The following TFG variants were observed in gnomAD, a reference collection of about 807,000 sequenced individuals.
The protein encoded by TFG is trafficking from ER to golgi regulator, also known as protein TFG.
Under a neutral mutation model 51.4 loss-of-function variants are expected in TFG, and 22 were observed. The observed-to-expected ratio is 0.43, with a 90% CI of 0.31 to 0.61. TFG has a LOEUF of 0.61. Among genes scored for constraint, TFG ranks in the 20% least tolerant of loss-of-function variants. The pLI is 0.12. For missense variants in TFG, 419 were observed against 487.7 expected, an observed-to-expected ratio of 0.86 and a Z score of 1.33; for synonymous variants, 187 against 165.6, an observed-to-expected ratio of 1.13 and a Z score of -0.99.
intron 5 of TFG, among the ~76,000 whole-genome samples, chr3:100,735,526 A>G (rs973530474): frequency 1.3e-5 from 2 of 152,232 alleles, no homozygotes; most frequent in African/African-American, 4.8e-5. Flanking sequence ...AGGCACAGAA[A>G]GAGATTATGT....
intron 4 of TFG, among the ~76,000 whole-genome samples, chr3:100,730,085 A>G (rs537132343): frequency 1.3e-5 from 2 of 152,224 alleles, no homozygotes; most frequent in Non-Finnish European, 2.9e-5. Flanking sequence ...AATCAATGAA[A>G]AAGTTAGACA....
chr3:100,709,505 A>G lies in TFG; in HGVS notation c.-260A>G, dbSNP rs1000049398. Reference sequence around the variant, plus strand: ...TTGCTCCCGCCTCTGTTCTTCCCCCACCTGCCACGTACAGAGCCCAAGTTC... The same window carrying G: ...TTGCTCCCGCCTCTGTTCTTCCCCCGCCTGCCACGTACAGAGCCCAAGTTC... On this transcript the variant is annotated 5_prime_UTR_variant, in exon 1 of 8. Coordinates refer to ENST00000240851, the MANE Select transcript of TFG (RefSeq NM_006070.6). 3 of 150,246 alleles carry G rather than the reference A, an allele frequency of 2.0e-5. No individual in the cohort carries two copies. The highest frequency in any genetic ancestry group is 7.4e-5 in the African/African-American group (3 of 40,622). 9.3% of individuals were successfully genotyped at this position (150,246 alleles called of 1,614,324 possible).
At position 100,744,939 on chromosome 3, in the gene TFG, G is replaced by A. The variant is rs2149096879; in HGVS notation, c.820+8G>A. ...ATGGTATTCAGTATTCAGGTGAGCA[G>A]GTGTTGAAAGGGAGTTGGCTCATGG... On this transcript the variant is annotated splice_region_variant and intron_variant, in intron 7 of 7. Coordinates refer to ENST00000240851, the MANE Select transcript of TFG (RefSeq NM_006070.6). 6.3e-7 allele frequency: 1 copy of A among 1,588,348 alleles called. No individual in the cohort carries two copies. Among genetic ancestry groups the A allele is most frequent in the East Asian group, 2.2e-5 (1 of 44,522 alleles).
intron 3 of TFG, among the ~76,000 whole-genome samples, chr3:100,724,142 A>G (rs2095068496): frequency 6.6e-6 from 1 of 152,208 alleles, no homozygotes; most frequent in Non-Finnish European, 1.5e-5. Context: ...TAAATACTTT[A>G]TATTAGTAAA....
rs1402321308 is a variant in TFG at position 100,743,737 on chromosome 3, A to C, written c.722-1096A>C. ...GGTATAATAGAGTGGGCTCCGTCTC[A>C]TTTTCTAAGCCTGTGAGTCCTAGCT... On this transcript the variant is annotated intron_variant, in intron 6 of 7. Coordinates refer to ENST00000240851, the MANE Select transcript of TFG (RefSeq NM_006070.6). 3 of 151,888 alleles carry C rather than the reference A, an allele frequency of 2.0e-5. No homozygotes were observed. In the South Asian group the frequency reaches 6.2e-4, roughly 31 times the overall value. The allele number at this position is 151,888 out of a possible 1,614,324, so 9.4% of individuals were successfully genotyped here.
At chr3:100,713,588 C>G in intron 1 of TFG, 55 bp from the exon 2 acceptor site, 1 of 793,170 alleles carries the variant, frequency 1.3e-6, no homozygotes, top group African/African-American at 1.8e-5. Flanking sequence ...AGTAGCTTTG[C>G]TCTCAACTTT....
rs184918989 is a variant in TFG at position 100,747,206 on chromosome 3, G to T, written c.821-943G>T. On this transcript the variant is annotated intron_variant, in intron 7 of 7. Coordinates refer to ENST00000240851, the MANE Select transcript of TFG (RefSeq NM_006070.6). ...GTGGTGGTAACATTGGACCATCTTT[G>T]ACACTGTTGGTTTGCCAGTTTCCCT... Among the ~76,000 whole-genome samples the T allele has an allele frequency of 2.5e-3, 375 of 152,210 alleles. 6 individuals carry two copies. Among genetic ancestry groups the T allele is most frequent in the Admixed American group, 0.02 (302 of 15,292 alleles).
At chr3:100,717,646 A>AT (rs1443198151) in intron 2 of TFG, among the ~76,000 whole-genome samples, 3 of 148,174 alleles carry the variant, frequency 2.0e-5, no homozygotes, top group Admixed American at 6.8e-5. Flanking sequence ...ATTTAAAAAA[A>AT]TTTTTGTAGC....
chr3:100,728,919 A>C, intron 4 of TFG, 61 bp downstream of exon 4: 1 of 1,429,250 alleles, frequency 7.0e-7, no homozygotes, highest in Admixed American at 2.6e-5. Flanking sequence ...GAGGTTTTAA[A>C]AAACTCTTTT....
intron 2 of TFG, among the ~76,000 whole-genome samples, chr3:100,716,853 T>C (rs2095047885): frequency 2.6e-5 from 4 of 152,184 alleles, no homozygotes; most frequent in Admixed American, 2.6e-4. Context: ...TTTTGAGAAA[T>C]GTCTGTTCAG....
chr3:100,711,252 G>A (rs958677169), intron 1 of TFG, among the ~76,000 whole-genome samples: 1 of 152,086 alleles, frequency 6.6e-6, no homozygotes, highest in African/African-American at 2.4e-5. Context: ...ACAGGCGTGC[G>A]CCACGACAAC....
At chr3:100,747,970 G>T (rs2095149449) in intron 7 of TFG, among the ~76,000 whole-genome samples, 179 bp from the exon 8 acceptor site, 1 of 152,092 alleles carries the variant, frequency 6.6e-6, no homozygotes, top group Admixed American at 6.6e-5. Context: ...TGTAGAGAAT[G>T]CCTCTTTGAT....
intron 5 of TFG, among the ~76,000 whole-genome samples, chr3:100,733,879 CTA>C (rs1338063729): frequency 2.6e-5 from 4 of 152,062 alleles, no homozygotes; most frequent in Admixed American, 6.6e-5. Flanking sequence ...CCATAGTAAA[CTA>C]TGTGCATATT....
rs1365544346 is a variant in TFG, at chr3:100,748,305, C to A, written c.977C>A (p.Ala326Glu). The A allele has an allele frequency of 1.9e-6, 3 of 1,614,086 alleles. No homozygotes were observed. In the East Asian group the frequency reaches 6.7e-5, roughly 36 times the overall value. ...CAGTACCAGGCGAGCAATTATCCTG[C>A]ACAAACTTACACTGCCCAAACTTCT... is the stretch of plus-strand genomic sequence containing the variant. ...PQQYQASNYP[A>E]QTYTAQTSQP... The change falls in exon 8 of 8, where the codon GCA (alanine) becomes GAA (glutamate). Residue 326 changes from alanine to glutamate, a missense_variant. Ala to Glu is a moderately radical substitution (Grantham distance 107). Coordinates refer to ENST00000240851, the MANE Select transcript of TFG (RefSeq NM_006070.6).
At chr3:100,710,565 T>A (rs1036885739) in intron 1 of TFG, among the ~76,000 whole-genome samples, 1 of 152,234 alleles carries the variant, frequency 6.6e-6, no homozygotes, top group Non-Finnish European at 1.5e-5. Context: ...AGCCACAGCC[T>A]CTGAAATTGA....
rs377136610 is a variant in TFG at position 100,713,746 on chromosome 3, A to T, written c.61A>T (p.Ile21Phe). The change falls in exon 2 of 8, where the codon ATT (isoleucine) becomes TTT (phenylalanine). Residue 21 changes from isoleucine to phenylalanine, a missense_variant. Coordinates refer to ENST00000240851, the MANE Select transcript of TFG (RefSeq NM_006070.6). ...LIIKAQLGEDIRRIPIHNEDI... is the reference protein window; with the variant it reads ...LIIKAQLGEDFRRIPIHNEDI... ...CATCAAAGCTCAACTTGGGGAGGAT[A>T]TTCGGCGAATTCCTATTCATAATGA... 2.5e-6 allele frequency: 4 copies of T among 1,611,426 alleles called. No homozygotes were observed. The highest frequency in any genetic ancestry group is 1.3e-5 in the African/African-American group (1 of 74,978).
At position 100,748,425 on chromosome 3, in the gene TFG, T is replaced by TA; in HGVS notation, c.1097_1098insA (p.Pro367SerfsTer13). 1 of 1,614,136 alleles carries TA rather than the reference T, an allele frequency of 6.2e-7. No homozygotes were observed. Among genetic ancestry groups the TA allele is most frequent in the South Asian group, 1.1e-5 (1 of 91,082 alleles). On this transcript the variant is annotated frameshift_variant, in exon 8 of 8. Coordinates refer to ENST00000240851, the MANE Select transcript of TFG (RefSeq NM_006070.6). LOFTEE classifies it high-confidence loss of function. ...CAACCAAGACCAGGTTTTACTTCACTTCCTGGAAGTACCATGACCCCTCCT... is the reference window on the plus strand; with the variant it reads ...CAACCAAGACCAGGTTTTACTTCACTATCCTGGAAGTACCATGACCCCTCCT...
chr3:100,714,824 A>G (rs771357762), intron 2 of TFG, among the ~76,000 whole-genome samples: 2 of 152,210 alleles, frequency 1.3e-5, no homozygotes, highest in African/African-American at 4.8e-5. Flanking sequence ...CAGTGTTCCC[A>G]GACTCATTTG....
intron 2 of TFG, among the ~76,000 whole-genome samples, chr3:100,718,549 GTTTTTTTTTTTTTTTT>G (rs57611480): frequency 1.7e-5 from 1 of 60,072 alleles, no homozygotes. Flanking sequence ...GTATTTCATG[GTTTTTTTTTTTTTTTT>G]TTTTTTTTTT....
Sources: allele counts gnomAD v4.1 joint callset (sites outside exome capture counted in the v4.1 genomes callset), GRCh38; gene constraint gnomAD v4.1.1; transcripts MANE v1.5; gene names NCBI Gene and HGNC (gene_info 2026-07-23, HGNC 2026-07-21).